MMEL1: variants seen among roughly 807,000 people sequenced by gnomAD.
MMEL1 encodes membrane metallo-endopeptidase-like 1.
Under a neutral mutation model 117.1 loss-of-function variants are expected in MMEL1, and 98 were observed. The observed-to-expected ratio is 0.84, with a 90% CI of 0.71 to 0.99. The LOEUF (loss-of-function observed/expected upper bound fraction) is 0.99. Ranked by LOEUF, MMEL1 falls within the 50% of genes least tolerant of loss-of-function variation. The probability of loss-of-function intolerance (pLI) is 0.00; values close to 1 mark genes in which losing one functional copy is unlikely to be tolerated. For missense variants in MMEL1, 1,014 were observed against 1,049.1 expected (o/e 0.97, Z 0.46); for synonymous variants, 390 against 415.1 (o/e 0.94, Z 0.74).
chr1:2,595,891 T>C lies in MMEL1; in HGVS notation c.1500+118A>G, dbSNP rs373454167. On this transcript the variant is annotated intron_variant, in intron 15 of 23. Coordinates refer to ENST00000378412, the MANE Select transcript of MMEL1 (RefSeq NM_033467.4). This position sits in a 1 kb window ranked among gnomAD's most constrained non-coding sequence, Gnocchi z 4.8. ...GGGCTGCCTTCTCCCCGTGGGGTCCTGTCTGCGCCTCCCGGGGCTGCCTTC... is the reference window on the plus strand; with the variant it reads ...GGGCTGCCTTCTCCCCGTGGGGTCCCGTCTGCGCCTCCCGGGGCTGCCTTC... The C allele has an allele frequency of 2.6e-5, 20 of 769,026 alleles. No individual in the cohort carries two copies. The African/African-American group carries it at 3.7e-4, about 14-fold the overall frequency. The allele number at this position is 769,026 out of a possible 1,614,324, so 47.6% of individuals were successfully genotyped here. A position where few individuals can be genotyped will look rare whatever the true frequency, so the allele number is the denominator to read the frequency against.
At chr1:2,605,675 C>A in intron 8 of MMEL1, 52 bp from the exon 9 acceptor site, 1 of 1,463,556 alleles carries the variant, frequency 6.8e-7, no homozygotes, top group Non-Finnish European at 9.5e-7. Flanking sequence ...GTCCCCGCAG[C>A]CTGGCTGAGG....
In MMEL1 at chr1:2,619,655, C is replaced by CAAAAA. The variant is rs58007311; in HGVS notation, c.155-7456_155-7452dup. Among the ~76,000 whole-genome samples, 2 of 119,796 alleles carry CAAAAA rather than the reference C, an allele frequency of 1.7e-5. 1 individual carries two copies. 78.6% of individuals were successfully genotyped at this position (119,796 alleles called of 152,430 possible). A position where few individuals can be genotyped will look rare whatever the true frequency, so the allele number is the denominator to read the frequency against. On this transcript the variant is annotated intron_variant, in intron 2 of 23. Transcript: ENST00000378412. ...CCTGGGCGACAGAGTGAGACTCTAT[C>CAAAAA]AAAAAAAAAAAAAAAAAAAATCAAA...
intron 11 of MMEL1, among the ~76,000 whole-genome samples, chr1:2,599,780 C>T (rs1049893197): frequency 2.5e-4 from 37 of 150,518 alleles, no homozygotes; most frequent in African/African-American, 8.8e-4. Flanking sequence ...TCGCTTGAAC[C>T]TGGGAGGCAG....
chr1:2,596,814 C>G (rs961950413), intron 13 of MMEL1, 125 bp from the exon 14 acceptor site: 1 of 1,076,314 alleles, frequency 9.3e-7, no homozygotes, highest in East Asian at 2.6e-5. Context: ...CCGGGGCTAG[C>G]GGGGGCACGG....
chr1:2,630,797 C>A (rs1447790613), intron 1 of MMEL1, among the ~76,000 whole-genome samples: 1 of 123,780 alleles, frequency 8.1e-6, no homozygotes, highest in Non-Finnish European at 1.6e-5. Flanking sequence ...TGAGTGTGCA[C>A]GTGTGTCCTC....
intron 2 of MMEL1, among the ~76,000 whole-genome samples, chr1:2,616,458 G>A (rs1167632890): frequency 1.3e-5 from 2 of 151,656 alleles, no homozygotes; most frequent in African/African-American, 2.4e-5. Context: ...GATGGAATGA[G>A]CTCTTTAAGT....
Position 2,612,229 on chromosome 1 carries a change from T to TG in MMEL1, c.155-26dup. ...CCTGGGGAGAAACACAGCGCTCAGC[T>TG]GCGGCCTCCTGCCTGCAGCTCCCTG... On this transcript the variant is annotated intron_variant, in intron 2 of 23. Transcript: ENST00000378412. This position sits in a 1 kb window ranked among gnomAD's most constrained non-coding sequence, Gnocchi z 5.4. The TG allele has an allele frequency of 6.4e-7, 1 of 1,552,926 alleles. No homozygotes were observed. The highest frequency in any genetic ancestry group is 8.7e-7 in the Non-Finnish European group (1 of 1,146,556).
chr1:2,628,615 G>A (rs1015074309), intron 2 of MMEL1, among the ~76,000 whole-genome samples: 1 of 151,122 alleles, frequency 6.6e-6, no homozygotes, highest in Admixed American at 6.6e-5. Flanking sequence ...GCTGGAAGGT[G>A]ACCAGGTCTA....
intron 4 of MMEL1, among the ~76,000 whole-genome samples, 188 bp downstream of exon 4, chr1:2,611,093 G>GC (rs1645117909): frequency 6.6e-6 from 1 of 152,208 alleles, no homozygotes. Flanking sequence ...TGGGGGCCCA[G>GC]CGGACGCCAG....
chr1:2,611,507 G>A, intron 3 of MMEL1, 167 bp from the exon 4 acceptor site: 1 of 519,252 alleles, frequency 1.9e-6, no homozygotes, highest in Non-Finnish European at 3.4e-6. Context: ...AAGCCAGTAG[G>A]GCAAGGCCAG....
intron 1 of MMEL1, among the ~76,000 whole-genome samples, chr1:2,631,286 T>G (rs1638569179): frequency 6.6e-6 from 1 of 152,144 alleles, no homozygotes. Flanking sequence ...GCGGATAATG[T>G]GGGAGCAGCG....
In MMEL1 at chr1:2,608,918, C is replaced by T. The variant is rs138310372; in HGVS notation, c.535+421G>A. On this transcript the variant is annotated intron_variant, in intron 6 of 23. Coordinates refer to ENST00000378412, the MANE Select transcript of MMEL1 (RefSeq NM_033467.4). ...ATACATGCATGAACACATATATACA[C>T]ATACACGTATACACATATACATACA... Among the ~76,000 whole-genome samples, 22 of 100,792 alleles carry T rather than the reference C, an allele frequency of 2.2e-4. 1 individual carries two copies. The highest frequency in any genetic ancestry group is 1.9e-3 in the Admixed American group (19 of 10,212). 66.1% of individuals were successfully genotyped at this position (100,792 alleles called of 152,430 possible).
intron 9 of MMEL1, among the ~76,000 whole-genome samples, chr1:2,605,172 C>T (rs1485086717): frequency 2.0e-5 from 3 of 152,204 alleles, no homozygotes; most frequent in African/African-American, 7.2e-5. Context: ...CCTCATCCCT[C>T]CCCTCTCTTG....
At chr1:2,591,752 G>T in intron 22 of MMEL1, 119 bp from the exon 23 acceptor site, 1 of 1,045,578 alleles carries the variant, frequency 9.6e-7, no homozygotes, top group East Asian at 2.4e-5. Context: ...GGAGTCAGCA[G>T]GTGCTCCCCT....
At position 2,626,726 on chromosome 1, in the gene MMEL1, A is replaced by AT. The variant is rs575723325; in HGVS notation, c.154+2604dup. ...CATTTGATTTTATAAAAGAAAGTTT[A>AT]TAACTTTAAAAATAATTAAAACAAA... On this transcript the variant is annotated intron_variant, in intron 2 of 23. Transcript: ENST00000378412. Among the ~76,000 whole-genome samples, 340 of 152,382 alleles carry AT rather than the reference A, an allele frequency of 2.2e-3. 2 individuals carry two copies. The highest frequency in any genetic ancestry group is 7.8e-3 in the African/African-American group (324 of 41,592).
At chr1:2,629,633 C>T in intron 1 of MMEL1, 112 bp from the exon 2 acceptor site, 7 of 946,082 alleles carry the variant, frequency 7.4e-6, no homozygotes, top group Admixed American at 3.3e-5. Context: ...GCCTTTGGAA[C>T]ACTCTTCCCG....
At position 2,598,790 on chromosome 1, in the gene MMEL1, C is replaced by T. The variant is rs762478519; in HGVS notation, c.1042G>A (p.Gly348Arg). ...EELQSQFGLK[G>R]FNWTLFIQTV... is the part of the protein sequence containing the mutation. The stretch of plus-strand genomic sequence containing the variant: ...TGTATGAACAGAGTCCAGTTAAATC[C>T]CTGCAGATAGAGGAAGTGGGGAGAA... The change falls in exon 12 of 24, where the codon GGA becomes AGA. Residue 348 changes from glycine (G) to arginine (R), a missense_variant and splice_region_variant. Coordinates refer to ENST00000378412, the MANE Select transcript of MMEL1 (RefSeq NM_033467.4). The T allele has an allele frequency of 1.2e-6, 2 of 1,608,724 alleles. No individual in the cohort carries two copies. Among genetic ancestry groups the T allele is most frequent in the Admixed American group, 3.3e-5 (2 of 59,868 alleles).
Position 2,621,383 on chromosome 1 carries a change from G to A in MMEL1, c.154+7948C>T, listed in dbSNP as rs115635217. Among the ~76,000 whole-genome samples, 674 of 152,274 alleles carry A rather than the reference G, an allele frequency of 4.4e-3. 4 individuals are homozygous for A. Among genetic ancestry groups the A allele is most frequent in the African/African-American group, 0.015 (643 of 41,546 alleles). On this transcript the variant is annotated intron_variant, in intron 2 of 23. Coordinates refer to ENST00000378412, the MANE Select transcript of MMEL1 (RefSeq NM_033467.4). ...TTTCTCCAAAGCCTGCTACCTGGAG[G>A]CTTCACCTATATAATAAGGACCTTG...
Position 2,596,542 on chromosome 1 carries a change from A to G in MMEL1, c.1401+19T>C, listed in dbSNP as rs1644843273. 6.2e-7 allele frequency: 1 copy of G among 1,605,618 alleles called. No homozygotes were observed. Among genetic ancestry groups the G allele is most frequent in the Non-Finnish European group, 8.5e-7 (1 of 1,179,242 alleles). Reference sequence around the variant, plus strand: ...GTGGAAGGCTGGCCCCGCGTGGGCCATGGATGAGGGGCGCCCACCATGCTC... The same window carrying G: ...GTGGAAGGCTGGCCCCGCGTGGGCCGTGGATGAGGGGCGCCCACCATGCTC... On this transcript the variant is annotated intron_variant, in intron 14 of 23. Coordinates refer to ENST00000378412, the MANE Select transcript of MMEL1 (RefSeq NM_033467.4).
Sources: gnomAD v4.1 joint callset for allele counts (sites outside exome capture counted in the v4.1 genomes callset) on GRCh38, gnomAD v4.1.1 for gene constraint, Gnocchi (gnomAD v3.1) non-coding constraint, MANE v1.5 for transcripts, NCBI Gene and HGNC (gene_info 2026-07-23, HGNC 2026-07-21) for gene names.